The following MACF1 variants were observed in gnomAD, a reference collection of about 807,000 sequenced individuals.
MACF1 encodes microtubule-actin cross-linking factor 1.
A neutral mutation model predicts 854.8 loss-of-function variants in MACF1; 193 were observed. The observed-to-expected ratio is 0.23, with a 90% CI of 0.20 to 0.25. MACF1 has a LOEUF of 0.25. MACF1 is among the 10% of genes least tolerant of loss of function. The probability of loss-of-function intolerance (pLI) is 1.00; values close to 1 mark genes in which losing one functional copy is unlikely to be tolerated. For missense variants in MACF1, 7,722 were observed against 8,929.1 expected (o/e 0.86, Z 5.45); for synonymous variants, 3,185 against 3,226.7 (o/e 0.99, Z 0.44).
intron 2 of MACF1, among the ~76,000 whole-genome samples, chr1:39,172,409 T>C (rs781492510): frequency 5.3e-5 from 8 of 152,232 alleles, no homozygotes; most frequent in Non-Finnish European, 1.2e-4. Flanking sequence ...TGCTCATGGG[T>C]TGAGCTTGGC....
intron 6 of MACF1, among the ~76,000 whole-genome samples, chr1:39,261,023 T>C (rs551383965): frequency 6.6e-6 from 1 of 152,332 alleles, no homozygotes; most frequent in East Asian, 1.9e-4. Flanking sequence ...CTCTCTATTG[T>C]TGTTAAGCCA....
chr1:39,103,613 A>C (rs561582932), intron 2 of MACF1: 1 of 152,574 alleles, frequency 6.6e-6, no homozygotes, highest in East Asian at 1.9e-4. Context: ...ATATACTTCA[A>C]ACTTATTCCC....
At chr1:39,416,376 T>C (rs1391704215) in intron 58 of MACF1, among the ~76,000 whole-genome samples, 2 of 151,650 alleles carry the variant, frequency 1.3e-5, no homozygotes, top group Admixed American at 1.3e-4. Flanking sequence ...CCAGGCACAG[T>C]GGCTCACACC....
At chr1:39,411,552 T>C (rs1236897209) in intron 58 of MACF1, 2 of 1,613,854 alleles carry the variant, frequency 1.2e-6, no homozygotes, top group South Asian at 2.2e-5. Context: ...ATATTCTCGG[T>C]GAGGTGGCAA....
intron 2 of MACF1, among the ~76,000 whole-genome samples, chr1:39,097,350 T>C (rs1392429051): frequency 2.6e-5 from 4 of 152,122 alleles, no homozygotes; most frequent in Admixed American, 6.6e-5. Flanking sequence ...ATAATTAAAC[T>C]AAATATCCAA....
rs748083332 is a variant in MACF1, at chr1:39,282,160, A to G, written c.529-48A>G. On this transcript the variant is annotated intron_variant, in intron 6 of 100. Coordinates refer to ENST00000564288, the MANE Select transcript of MACF1 (RefSeq NM_001394062.1). ...TGTATGGAGAAGAGAAGGCTAAAAG[A>G]CTTTGTCTTATTTATAATGAATTAT... 1.9e-6 allele frequency: 3 copies of G among 1,591,264 alleles called. No homozygotes were observed. In the South Asian group the frequency reaches 3.4e-5, roughly 18 times the overall value.
intron 78 of MACF1, 135 bp downstream of exon 78, chr1:39,443,046 A>T: frequency 1.2e-6 from 1 of 828,420 alleles, no homozygotes; most frequent in Non-Finnish European, 1.9e-6. Flanking sequence ...CTGTGCTGTA[A>T]CTTATCTAGA....
At chr1:39,209,940 AT>A (rs1367404105) in intron 1 of MACF1, among the ~76,000 whole-genome samples, 2 of 152,086 alleles carry the variant, frequency 1.3e-5, no homozygotes, top group African/African-American at 4.8e-5. Context: ...AAATAAAAAA[AT>A]TAGCTGGGTG....
At chr1:39,163,784 T>C (rs1643852803) in intron 2 of MACF1, among the ~76,000 whole-genome samples, 1 of 152,156 alleles carries the variant, frequency 6.6e-6, no homozygotes, top group South Asian at 2.1e-4. Flanking sequence ...GAGTGAATTC[T>C]TTTTTTAAGG....
chr1:39,163,360 A>AAAAAAAAAAAAAAAAAAAAAAAAAT (rs376459592), intron 2 of MACF1, among the ~76,000 whole-genome samples: 1 of 144,312 alleles, frequency 6.9e-6, no homozygotes, highest in African/African-American at 2.6e-5. Context: ...AAAAAAAAAA[A>AAAAAAAAAAAAAAAAAAAAAAAAAT]GAAAAGAAAA....
At chr1:39,117,219 C>T (rs1248566048) in intron 2 of MACF1, among the ~76,000 whole-genome samples, 1 of 152,088 alleles carries the variant, frequency 6.6e-6, no homozygotes, top group African/African-American at 2.4e-5. Flanking sequence ...TACCCTTTGC[C>T]CTCTACTTGC....
At chr1:39,206,465 CTAAT>C (rs1329044043) in intron 1 of MACF1, 6 of 152,112 alleles carry the variant, frequency 3.9e-5, no homozygotes, top group Non-Finnish European at 4.4e-5. Flanking sequence ...CATTAAATAA[CTAAT>C]TAGTTGTTAA....
At chr1:39,406,813 G>A (rs1642733710) in intron 58 of MACF1, among the ~76,000 whole-genome samples, 1 of 149,170 alleles carries the variant, frequency 6.7e-6, no homozygotes, top group South Asian at 2.1e-4. Context: ...GAATTCCTCA[G>A]ATTCTTCCAA....
At chr1:39,379,090 A>C in intron 53 of MACF1, 113 bp from the exon 54 acceptor site, 1 of 1,079,334 alleles carries the variant, frequency 9.3e-7, no homozygotes, top group Non-Finnish European at 1.3e-6. Flanking sequence ...GCAGGAAGAT[A>C]ATCTCTAATT....
chr1:39,084,666 C>A lies in MACF1; in HGVS notation c.220+228C>A, dbSNP rs1641623309. ...GCTCACGTGAGACCTGTTTTCATTT[C>A]TGCACCTTCTTCCCTGTCTTTGTCC... On this transcript the variant is annotated intron_variant, in intron 2 of 93. Coordinates refer to the MACF1 transcript ENST00000361689. This position sits in a 1 kb window ranked among gnomAD's most constrained non-coding sequence, Gnocchi z 5.2. Among the ~76,000 whole-genome samples the A allele has an allele frequency of 6.6e-6, 1 of 152,240 alleles. No individual in the cohort carries two copies. The highest frequency in any genetic ancestry group is 1.5e-5 in the Non-Finnish European group (1 of 68,040).
At chr1:39,262,461 C>T (rs1181486022) in intron 6 of MACF1, among the ~76,000 whole-genome samples, 1 of 147,104 alleles carries the variant, frequency 6.8e-6, no homozygotes, top group Non-Finnish European at 1.5e-5. Flanking sequence ...AGATACAGAC[C>T]ATCTAGTTGG....
chr1:39,340,804 A>G lies in MACF1; in HGVS notation c.10432A>G (p.Thr3478Ala), dbSNP rs1477107364. 2 of 1,612,864 alleles carry G rather than the reference A, an allele frequency of 1.2e-6. No homozygotes were observed. The highest frequency in any genetic ancestry group is 1.7e-6 in the Non-Finnish European group (2 of 1,179,684). Reference sequence around the variant, plus strand: ...ATGTGATTTTCCATTTATTTCTTAGACTAAAGTGTTAAATCAGCACACACA... The same window carrying G: ...ATGTGATTTTCCATTTATTTCTTAGGCTAAAGTGTTAAATCAGCACACACA... ...HFQNAVEIEKTKVLNQHTQLE... is the reference protein window; with the variant it reads ...HFQNAVEIEKAKVLNQHTQLE... The change falls in exon 40 of 101, where the codon ACT (threonine) becomes GCT (alanine). Residue 3478 changes from threonine (T) to alanine (A), a missense_variant and splice_region_variant. By Grantham distance (58) the Thr-to-Ala change is moderately conservative. Transcript: ENST00000564288.
chr1:39,463,545 C>CT, intron 93 of MACF1, 67 bp from the exon 94 acceptor site: 3 of 1,120,324 alleles, frequency 2.7e-6, no homozygotes, highest in East Asian at 2.4e-5. Context: ...GTATAAAAAT[C>CT]TTTGTTTCTC....
intron 2 of MACF1, among the ~76,000 whole-genome samples, chr1:39,146,688 C>T (rs1231841937): frequency 2.0e-5 from 3 of 151,202 alleles, no homozygotes; most frequent in Non-Finnish European, 2.9e-5. Context: ...AAGATGGTTA[C>T]CAGAAGTTGG....
Sources: gnomAD v4.1 joint callset for allele counts (sites outside exome capture counted in the v4.1 genomes callset) on GRCh38, gnomAD v4.1.1 for gene constraint, Gnocchi (gnomAD v3.1) non-coding constraint, MANE v1.5 for transcripts, NCBI Gene and HGNC (gene_info 2026-07-23, HGNC 2026-07-21) for gene names.